ESRRG: variants seen among roughly 807,000 people sequenced by gnomAD.
The protein encoded by ESRRG is estrogen related receptor gamma.
A neutral mutation model predicts 44.0 loss-of-function variants in ESRRG; 13 were observed. The ratio of observed to expected loss-of-function variants is 0.30; its 90% CI spans 0.19 to 0.47. ESRRG has a LOEUF of 0.47. Ranked by LOEUF, ESRRG falls within the 20% of genes least tolerant of loss-of-function variation. The pLI, the probability that ESRRG is intolerant of heterozygous loss-of-function variation, is 1.00. For synonymous variants in ESRRG, 215 were observed against 214.6 expected, an observed-to-expected ratio of 1.00 and a Z score of -0.02; for missense variants, 395 against 580.6, an observed-to-expected ratio of 0.68 and a Z score of 3.29.
rs2095422938 is a variant in ESRRG at position 216,827,802 on chromosome 1, C to T, written c.-14+111780G>A. On this transcript the variant is annotated intron_variant, in intron 2 of 7. Coordinates refer to the ESRRG transcript ENST00000359162. ...GACCTAATAGAACCATGTAAATAAC[C>T]ACAATACAAGTTAAATGGGAAGGGA... Among the ~76,000 whole-genome samples the T allele has an allele frequency of 2.0e-5, 3 of 152,084 alleles. No homozygotes were observed. The South Asian group carries it at 6.2e-4, about 32-fold the overall frequency.
At chr1:216,622,607 A>ATTAC (rs1170718189) in intron 3 of ESRRG, among the ~76,000 whole-genome samples, 2 of 94,450 alleles carry the variant, frequency 2.1e-5, no homozygotes, top group Non-Finnish European at 5.7e-5. Flanking sequence ...ACAAATGAAA[A>ATTAC]TTACACACAC....
At chr1:216,607,338 C>T (rs1463287691) in intron 3 of ESRRG, among the ~76,000 whole-genome samples, 2 of 152,164 alleles carry the variant, frequency 1.3e-5, no homozygotes, top group African/African-American at 4.8e-5. Context: ...CACTTGTTTA[C>T]ATTTATTATG....
rs187147837 is a variant in ESRRG at position 216,814,279 on chromosome 1, T to C, written c.-14+125303A>G. On this transcript the variant is annotated intron_variant, in intron 2 of 7. Coordinates refer to the ESRRG transcript ENST00000359162. ...CAGACCTGTGCTTATTTAGTATTTA[T>C]TTTTGGGGTGGAAGAGAATTCCATC... Among the ~76,000 whole-genome samples, 437 of 152,276 alleles carry C rather than the reference T, an allele frequency of 2.9e-3. 6 individuals are homozygous for C. Among genetic ancestry groups the C allele is most frequent in the Admixed American group, 0.025 (378 of 15,292 alleles).
chr1:216,538,931 TAAAC>T (rs1169025079), intron 5 of ESRRG, among the ~76,000 whole-genome samples: 5 of 152,072 alleles, frequency 3.3e-5, no homozygotes, highest in African/African-American at 1.2e-4. Context: ...GCCACCTAGA[TAAAC>T]AAATTCCACC....
At chr1:216,843,391 T>C (rs2095685718) in intron 2 of ESRRG, among the ~76,000 whole-genome samples, 1 of 152,108 alleles carries the variant, frequency 6.6e-6, no homozygotes, top group Admixed American at 6.6e-5. Flanking sequence ...ACTAAGTTTT[T>C]CAAGGTATTA....
At chr1:217,022,449 G>T (rs571490314) in intron 1 of ESRRG, among the ~76,000 whole-genome samples, 39 of 152,304 alleles carry the variant, frequency 2.6e-4, no homozygotes, top group African/African-American at 9.4e-4. Context: ...TATGCAAACG[G>T]CAAGTCGCTC....
At chr1:216,564,148 C>A in intron 5 of ESRRG, 71 bp downstream of exon 5, 1 of 934,120 alleles carries the variant, frequency 1.1e-6, no homozygotes, top group Non-Finnish European at 1.5e-6. Context: ...TTGAATTCAC[C>A]CAAATCTATA....
intron 1 of ESRRG, among the ~76,000 whole-genome samples, chr1:216,941,077 TGAGA>T (rs2065149534): frequency 6.6e-6 from 1 of 152,108 alleles, no homozygotes. Flanking sequence ...AACACACTCA[TGAGA>T]GAGACAGGAG....
intron 1 of ESRRG, among the ~76,000 whole-genome samples, chr1:216,964,233 G>C (rs1380220407): frequency 2.6e-5 from 4 of 152,170 alleles, no homozygotes; most frequent in African/African-American, 9.7e-5. Context: ...CTGGCACAAA[G>C]TAAACGTAGG....
chr1:217,053,133 T>TAAAAAAAAAAAAAAAAAAAAAAAAA (rs71303007), intron 1 of ESRRG, among the ~76,000 whole-genome samples: 10 of 119,032 alleles, frequency 8.4e-5, no homozygotes, highest in African/African-American at 1.3e-4. Flanking sequence ...AATCCCATCT[T>TAAAAAAAAAAAAAAAAAAAAAAAAA]AAAAAAAAAA....
At position 216,966,209 on chromosome 1, in the gene ESRRG, T is replaced by A. The variant is rs528149513; in HGVS notation, c.-105-26536A>T. Among the ~76,000 whole-genome samples the A allele has an allele frequency of 2.0e-5, 3 of 152,280 alleles. No individual in the cohort carries two copies. In the East Asian group the frequency reaches 5.8e-4, roughly 29 times the overall value. Reference sequence around the variant, plus strand: ...GGGACATTCTTGCATTTATCTTTCATCAGAATGATCTGCCCACTTCCACAG... The same window carrying A: ...GGGACATTCTTGCATTTATCTTTCAACAGAATGATCTGCCCACTTCCACAG... On this transcript the variant is annotated intron_variant, in intron 1 of 7. Transcript: ENST00000359162.
chr1:216,866,337 G>A (rs1211785832), intron 2 of ESRRG, among the ~76,000 whole-genome samples: 3 of 152,036 alleles, frequency 2.0e-5, no homozygotes, highest in Non-Finnish European at 4.4e-5. Context: ...TGCAACTATA[G>A]CAATACAATG....
chr1:216,768,662 T>C (rs1299992686), intron 2 of ESRRG, among the ~76,000 whole-genome samples: 1 of 152,118 alleles, frequency 6.6e-6, no homozygotes, highest in Non-Finnish European at 1.5e-5. Context: ...GCTAATTTTT[T>C]AAATATTTTA....
chr1:216,649,213 G>T (rs1028971455), intron 3 of ESRRG, among the ~76,000 whole-genome samples: 13 of 152,064 alleles, frequency 8.5e-5, no homozygotes, highest in Non-Finnish European at 1.5e-4. Flanking sequence ...GTTCACTGTT[G>T]TATCACTGGA....
chr1:216,568,915 G>C (rs368442695), intron 3 of ESRRG, among the ~76,000 whole-genome samples: 2 of 151,930 alleles, frequency 1.3e-5, no homozygotes, highest in Non-Finnish European at 2.9e-5. Flanking sequence ...TTAGCCAGGC[G>C]TGGTGGTGCA....
At chr1:216,873,133 G>A (rs1323238347) in intron 2 of ESRRG, among the ~76,000 whole-genome samples, 2 of 151,298 alleles carry the variant, frequency 1.3e-5, no homozygotes, top group Non-Finnish European at 2.9e-5. Flanking sequence ...TTTAATTCTG[G>A]AAGTTTTTGA....
intron 2 of ESRRG, among the ~76,000 whole-genome samples, chr1:216,907,308 T>C (rs2059795251): frequency 6.6e-6 from 1 of 152,184 alleles, no homozygotes; most frequent in South Asian, 2.1e-4. Context: ...CTGCTGGTGA[T>C]TAATCTCACA....
chr1:217,067,386 A>G (rs4846810), intron 1 of ESRRG, among the ~76,000 whole-genome samples: 20,818 of 145,928 alleles, frequency 0.14, 2,141 homozygotes, highest in East Asian at 0.6. Context: ...CATTTTGCTT[A>G]TAAGCATGTA....
At chr1:217,109,128 C>T (rs774510417) in intron 1 of ESRRG, among the ~76,000 whole-genome samples, 17 of 152,038 alleles carry the variant, frequency 1.1e-4, no homozygotes, top group Non-Finnish European at 1.8e-4. Context: ...TTGAACAACA[C>T]CAAATGTATG....
Sources: gnomAD v4.1 joint callset for allele counts (sites outside exome capture counted in the v4.1 genomes callset) on GRCh38, gnomAD v4.1.1 for gene constraint, MANE v1.5 for transcripts, NCBI Gene and HGNC (gene_info 2026-07-23, HGNC 2026-07-21) for gene names.